The following VPS13B variants were observed in gnomAD, a reference collection of about 807,000 sequenced individuals.
The protein encoded by VPS13B is vacuolar protein sorting 13 homolog B.
A neutral mutation model predicts 426.4 loss-of-function variants in VPS13B; 285 were observed. The ratio of observed to expected loss-of-function variants is 0.67; its 90% CI spans 0.61 to 0.74. The LOEUF (loss-of-function observed/expected upper bound fraction) is 0.74. Among genes scored for constraint, VPS13B ranks in the 30% least tolerant of loss-of-function variants. The probability of loss-of-function intolerance (pLI) is 0.00; values close to 1 mark genes in which losing one functional copy is unlikely to be tolerated. For missense variants in VPS13B, 4,537 were observed against 4,782.6 expected (o/e 0.95, Z 1.51); for synonymous variants, 1,676 against 1,676.4 (o/e 1.00, Z 0.01).
chr8:99,819,064 G>A (rs1486434399), intron 47 of VPS13B, among the ~76,000 whole-genome samples, 176 bp downstream of exon 47: 26 of 152,034 alleles, frequency 1.7e-4, no homozygotes. Context: ...CCTGCCTAGG[G>A]ATCTCTTATT....
At chr8:99,800,401 A>G (rs897750606) in intron 43 of VPS13B, among the ~76,000 whole-genome samples, 2 of 152,176 alleles carry the variant, frequency 1.3e-5, no homozygotes, top group African/African-American at 2.4e-5. Flanking sequence ...GATATGTATA[A>G]TGTTGAAATG....
intron 19 of VPS13B, among the ~76,000 whole-genome samples, chr8:99,299,075 T>C: frequency 6.7e-6 from 1 of 148,568 alleles, no homozygotes; most frequent in South Asian, 2.2e-4. Context: ...TTTTTTTTTT[T>C]TTTGAGACAG....
chr8:99,384,399 A>G (rs1275238351), intron 20 of VPS13B, 82 bp downstream of exon 20: 14 of 1,129,434 alleles, frequency 1.2e-5, no homozygotes, highest in Non-Finnish European at 1.3e-6. Flanking sequence ...CTTTTGATGG[A>G]TTCTTTTTTA....
chr8:99,418,607 G>T (rs1489763078), intron 21 of VPS13B, among the ~76,000 whole-genome samples: 1 of 150,218 alleles, frequency 6.7e-6, no homozygotes, highest in Non-Finnish European at 1.5e-5. Context: ...GGAGTGCATT[G>T]GTCCCATCTC....
intron 27 of VPS13B, among the ~76,000 whole-genome samples, chr8:99,506,209 A>T (rs1821490210): frequency 6.6e-6 from 1 of 152,066 alleles, no homozygotes; most frequent in Non-Finnish European, 1.5e-5. Flanking sequence ...CACTTTGATG[A>T]CTCTCATCTC....
At chr8:99,388,130 A>T (rs750371261) in intron 20 of VPS13B, among the ~76,000 whole-genome samples, 1 of 152,182 alleles carries the variant, frequency 6.6e-6, no homozygotes, top group Non-Finnish European at 1.5e-5. Flanking sequence ...CCAATGATGT[A>T]TGCAATATGA....
chr8:99,735,625 A>T (rs989471585), intron 39 of VPS13B, among the ~76,000 whole-genome samples: 1 of 152,194 alleles, frequency 6.6e-6, no homozygotes, highest in African/African-American at 2.4e-5. Flanking sequence ...TCTAAACTCC[A>T]GAACTGCCAG....
rs1814819360 is a variant in VPS13B at position 99,828,382 on chromosome 8, A to T, written c.9331-3987A>T. 1.2e-4 allele frequency among the ~76,000 whole-genome samples: 11 copies of T among 93,692 alleles called. 1 individual carries two copies. The highest frequency in any genetic ancestry group is 4.1e-4 in the South Asian group (1 of 2,452). The allele number at this position is 93,692 out of a possible 152,430, so 61.5% of individuals were successfully genotyped here. On this transcript the variant is annotated intron_variant, in intron 51 of 61. Coordinates refer to ENST00000357162, the MANE Select transcript of VPS13B (RefSeq NM_152564.5). ...AAAGTCTGTTTTATCAGAGACTAGG[A>T]TTACAACCACCGTTTTTTTTTTTTT...
intron 22 of VPS13B, among the ~76,000 whole-genome samples, chr8:99,432,424 A>T (rs1817163226): frequency 6.6e-6 from 1 of 152,154 alleles, no homozygotes; most frequent in Non-Finnish European, 1.5e-5. Context: ...GCAAAATTAC[A>T]GCTATATTAA....
rs180177372 is a variant in VPS13B, at chr8:99,861,901, G to A, written c.11170G>A (p.Glu3724Lys). Residue 3724 changes from glutamate (E) to lysine (K), a missense_variant, in exon 58 of 62, where the codon GAG (glutamate) becomes AAG (lysine). By Grantham distance (56) the Glu-to-Lys change is moderately conservative (BLOSUM62 1). Coordinates refer to ENST00000357162, the MANE Select transcript of VPS13B (RefSeq NM_152564.5). ...WRRQLPESLG[E>K]GLRQGLSRLG... ...GCGGCAGCTCCCCGAGAGCCTGGGC[G>A]AGGGGCTTCGACAGGGCCTGTCCCG... 8.7e-5 allele frequency: 139 copies of A among 1,597,348 alleles called. No homozygotes were observed. Among genetic ancestry groups the A allele is most frequent in the Non-Finnish European group, 1.0e-4 (123 of 1,172,844 alleles).
Position 99,655,295 on chromosome 8 carries a change from T to C in VPS13B, c.5909-6059T>C, listed in dbSNP as rs190273923. Among the ~76,000 whole-genome samples, 523 of 152,346 alleles carry C rather than the reference T, an allele frequency of 3.4e-3. 2 individuals are homozygous for C. Among genetic ancestry groups the C allele is most frequent in the African/African-American group, 0.012 (501 of 41,578 alleles). On this transcript the variant is annotated intron_variant, in intron 34 of 61. Transcript: ENST00000357162. ...AAGAGTTTTGATACTTTTTACAATA[T>C]GAATAAAGAGCACTGAATCTTAAAA...
intron 21 of VPS13B, among the ~76,000 whole-genome samples, chr8:99,408,043 G>T (rs1482171839): frequency 1.3e-5 from 2 of 152,098 alleles, no homozygotes; most frequent in African/African-American, 4.8e-5. Context: ...TATGGCTGGT[G>T]CAGAGAGAGC....
At chr8:99,474,726 C>G (rs1466785182) in intron 24 of VPS13B, among the ~76,000 whole-genome samples, 1 of 152,140 alleles carries the variant, frequency 6.6e-6, no homozygotes, top group Admixed American at 6.5e-5. Flanking sequence ...AACTGGAACT[C>G]ATCATACACC....
intron 25 of VPS13B, among the ~76,000 whole-genome samples, chr8:99,483,761 G>GT (rs1359341646): frequency 6.6e-6 from 1 of 152,006 alleles, no homozygotes; most frequent in Non-Finnish European, 1.5e-5. Flanking sequence ...TTGGAAATGT[G>GT]TTTTTTTGAA....
At chr8:99,061,961 G>A (rs571601875) in intron 3 of VPS13B, among the ~76,000 whole-genome samples, 21 of 152,272 alleles carry the variant, frequency 1.4e-4, no homozygotes, top group East Asian at 5.8e-4. Flanking sequence ...TTTGGTGTTC[G>A]TTGTTATTTT....
chr8:99,068,983 A>T (rs1844706128), intron 3 of VPS13B, among the ~76,000 whole-genome samples: 1 of 150,790 alleles, frequency 6.6e-6, no homozygotes, highest in Non-Finnish European at 1.5e-5. Flanking sequence ...ATTTTAAAGT[A>T]TATGATCATT....
chr8:99,651,270 A>G (rs1829803753), intron 34 of VPS13B, among the ~76,000 whole-genome samples: 1 of 152,338 alleles, frequency 6.6e-6, no homozygotes, highest in Middle Eastern at 3.4e-3. Context: ...TCCTATTAAT[A>G]GAGTATAATT....
chr8:99,411,549 A>C (rs552526698), intron 21 of VPS13B, among the ~76,000 whole-genome samples: 1 of 152,302 alleles, frequency 6.6e-6, no homozygotes, highest in South Asian at 2.1e-4. Context: ...TTTGCTGTGC[A>C]GAAGCTCTTT....
intron 21 of VPS13B, among the ~76,000 whole-genome samples, chr8:99,415,328 G>A (rs764530125): frequency 2.2e-4 from 33 of 151,454 alleles, no homozygotes; most frequent in Non-Finnish European, 4.7e-4. Flanking sequence ...CCTTTTTCCC[G>A]GTTCTTAGCT....
Sources: gnomAD v4.1 joint callset for allele counts (sites outside exome capture counted in the v4.1 genomes callset) on GRCh38, gnomAD v4.1.1 for gene constraint, MANE v1.5 for transcripts, NCBI Gene and HGNC (gene_info 2026-07-23, HGNC 2026-07-21) for gene names.